The following MAEA variants were observed in gnomAD, a reference collection of about 807,000 sequenced individuals.
MAEA encodes the protein E3 ubiquitin-protein transferase MAEA.
In MAEA, 22 loss-of-function variants were observed where a neutral mutation model predicts 46.2. That is an observed-to-expected ratio of 0.48 (90% CI 0.34 to 0.68). MAEA has a LOEUF of 0.68. Ranked by LOEUF, MAEA falls within the 30% of genes least tolerant of loss-of-function variation. The pLI, the probability that MAEA is intolerant of heterozygous loss-of-function variation, is 0.01. For missense variants in MAEA, 393 were observed against 558.1 expected (o/e 0.70, Z 2.98); for synonymous variants, 246 against 222.6 (o/e 1.11, Z -0.94).
rs758889399 is a variant in MAEA, at chr4:1,315,597, C to T, written c.453C>T (p.Ile151=). The T allele has an allele frequency of 2.5e-5, 41 of 1,612,616 alleles. No individual in the cohort carries two copies. The highest frequency in any genetic ancestry group is 4.0e-5 in the African/African-American group (3 of 74,892). Residue 151 remains isoleucine, a synonymous_variant, in exon 3 of 9, where the codon ATC becomes ATT. Transcript: ENST00000303400. ...TAVKLARQSG[I]EDLVNIEMFL... is the part of the protein sequence containing the mutation. ...TCAAGCTGGCGCGCCAGAGCGGCAT[C>T]GAGGTGGGTGCCCGCCAGACGCAGG... is the stretch of plus-strand genomic sequence containing the variant.
rs1332462270 is a variant in MAEA at position 1,289,990 on chromosome 4, C to A, written c.69+8C>A. 1 of 1,583,070 alleles carries A rather than the reference C, an allele frequency of 6.3e-7. No individual in the cohort carries two copies. The highest frequency in any genetic ancestry group is 1.1e-5 in the South Asian group (1 of 87,136). ...GAGTACCCGACCCTCAAGGTGGGCG[C>A]CTGCGCCGCGCAGGCTGAGGGCAGC... On this transcript the variant is annotated splice_region_variant and intron_variant, in intron 1 of 8. Transcript: ENST00000303400.
rs899983903 is a variant in MAEA at position 1,312,314 on chromosome 4, G to C, written c.252+153G>C. 15 of 800,086 alleles carry C rather than the reference G, an allele frequency of 1.9e-5. No individual in the cohort carries two copies. In the Admixed American group the frequency reaches 3.6e-4, roughly 19 times the overall value. The allele number at this position is 800,086 out of a possible 1,614,324, so 49.6% of individuals were successfully genotyped here. A position where few individuals can be genotyped will look rare whatever the true frequency, so the allele number is the denominator to read the frequency against. On this transcript the variant is annotated intron_variant, in intron 2 of 8. Transcript: ENST00000303400. ...CTGCTGTCTGCCTTCTGGGGCCACT[G>C]TCGGCTGAGCAGGCCAGCTTCCTGT...
chr4:1,334,264 T>C (rs577807687), intron 6 of MAEA, among the ~76,000 whole-genome samples: 1 of 148,384 alleles, frequency 6.7e-6, no homozygotes, highest in East Asian at 2.0e-4. Flanking sequence ...TCTCTGAGCC[T>C]GGCACCAGTC....
At chr4:1,328,986 C>G (rs1457858678) in intron 5 of MAEA, 3 of 988,386 alleles carry the variant, frequency 3.0e-6, no homozygotes, top group African/African-American at 1.7e-5. Context: ...GGCTCCCGCT[C>G]TGCTCTGGCC....
At chr4:1,338,838 T>C (rs993203587) in intron 8 of MAEA, 7 of 647,910 alleles carry the variant, frequency 1.1e-5, no homozygotes, top group Admixed American at 8.5e-5. Flanking sequence ...CACGTCGCCA[T>C]TGGGACAGGG....
At chr4:1,323,332 T>C (rs1241728686) in intron 4 of MAEA, among the ~76,000 whole-genome samples, 1 of 152,180 alleles carries the variant, frequency 6.6e-6, no homozygotes, top group East Asian at 1.9e-4. Context: ...AAAGGCATTG[T>C]CACCCTAGGG....
chr4:1,291,451 C>T (rs1243214283), intron 1 of MAEA, among the ~76,000 whole-genome samples: 1 of 152,202 alleles, frequency 6.6e-6, no homozygotes, highest in African/African-American at 2.4e-5. Flanking sequence ...TACTCAGTGA[C>T]ATTGGTGGAT....
intron 1 of MAEA, among the ~76,000 whole-genome samples, chr4:1,306,195 C>T (rs1451659527): frequency 6.6e-6 from 1 of 152,222 alleles, no homozygotes; most frequent in African/African-American, 2.4e-5. Context: ...GGGAACCTGG[C>T]AGCGTCAAAT....
At chr4:1,290,096 G>T (rs1311222422) in intron 1 of MAEA, 114 bp downstream of exon 1, 10 of 639,168 alleles carry the variant, frequency 1.6e-5, no homozygotes, top group African/African-American at 2.0e-5. Context: ...GGAGCTGGGC[G>T]CGGCCTCGCG....
chr4:1,328,310 A>G (rs966626550), intron 5 of MAEA, among the ~76,000 whole-genome samples: 1 of 152,172 alleles, frequency 6.6e-6, no homozygotes, highest in Non-Finnish European at 1.5e-5. Context: ...CTGCAAAGGA[A>G]GAGAGGCTGT....
At chr4:1,338,652 C>T (rs779491737) in intron 8 of MAEA, 35 bp downstream of exon 8, 16 of 1,561,060 alleles carry the variant, frequency 1.0e-5, no homozygotes, top group African/African-American at 5.4e-5. Flanking sequence ...CAGGCTGGCA[C>T]GCATCGCCAT....
chr4:1,308,312 A>C (rs2108894741), intron 1 of MAEA, among the ~76,000 whole-genome samples: 1 of 152,334 alleles, frequency 6.6e-6, no homozygotes, highest in South Asian at 2.1e-4. Context: ...GTTGTTGACC[A>C]AAATGTCGTT....
At chr4:1,324,289 A>C in intron 4 of MAEA, among the ~76,000 whole-genome samples, 1 of 137,686 alleles carries the variant, frequency 7.3e-6, no homozygotes, top group Admixed American at 7.3e-5. Context: ...CTGGTGGATG[A>C]GTGTGTCTGG....
chr4:1,290,129 G>A, intron 1 of MAEA, 147 bp downstream of exon 1: 1 of 337,206 alleles, frequency 3.0e-6, no homozygotes, highest in Non-Finnish European at 4.7e-6. Flanking sequence ...CTTCTCAGGG[G>A]CGCCCGGTCC....
intron 1 of MAEA, among the ~76,000 whole-genome samples, chr4:1,308,530 C>T (rs1222614455): frequency 6.6e-6 from 1 of 152,246 alleles, no homozygotes; most frequent in African/African-American, 2.4e-5. Flanking sequence ...GCGCCGGGCA[C>T]GTTCCCTGGC....
chr4:1,336,724 C>T, intron 6 of MAEA, 137 bp from the exon 7 acceptor site: 1 of 716,350 alleles, frequency 1.4e-6, no homozygotes, highest in Non-Finnish European at 2.3e-6. Context: ...TTGTGCTGAC[C>T]CTTAGTGCAA....
At chr4:1,293,271 A>G (rs1734297290) in intron 1 of MAEA, among the ~76,000 whole-genome samples, 1 of 151,846 alleles carries the variant, frequency 6.6e-6, no homozygotes, top group South Asian at 2.1e-4. Context: ...GTGCGCCTGT[A>G]GTCCCAGCTA....
At chr4:1,336,522 G>C (rs1712785972) in intron 6 of MAEA, among the ~76,000 whole-genome samples, 1 of 152,036 alleles carries the variant, frequency 6.6e-6, no homozygotes, top group Non-Finnish European at 1.5e-5. Flanking sequence ...TTGTCCCGCA[G>C]CATGTTGAAA....
Position 1,305,563 on chromosome 4 carries a change from A to G in MAEA, c.70-6416A>G, listed in dbSNP as rs1326460675. On this transcript the variant is annotated intron_variant, in intron 1 of 8. Coordinates refer to ENST00000303400, the MANE Select transcript of MAEA (RefSeq NM_001017405.3). ...GGTAGGTGTCTTTACCTTTTAAAGA[A>G]CTAAGCGCTTTTTCCAGAAGGATCA... Among the ~76,000 whole-genome samples, 7 of 152,320 alleles carry G rather than the reference A, an allele frequency of 4.6e-5. No individual in the cohort carries two copies. In the East Asian group the frequency reaches 1.4e-3, roughly 29 times the overall value.
Sources: allele counts gnomAD v4.1 joint callset (sites outside exome capture counted in the v4.1 genomes callset), GRCh38; gene constraint gnomAD v4.1.1; transcripts MANE v1.5; gene names NCBI Gene and HGNC (gene_info 2026-07-23, HGNC 2026-07-21).